Variants in GALNT8 observed in about 807,000 individuals in gnomAD.
GALNT8 encodes probable polypeptide N-acetylgalactosaminyltransferase 8.
In GALNT8, 66 loss-of-function variants were observed where a neutral mutation model predicts 62.7. That is an observed-to-expected ratio of 1.05 (90% CI 0.86 to 1.29). GALNT8 has a LOEUF of 1.29. GALNT8 is among the 50% of genes most tolerant of loss of function. The probability of loss-of-function intolerance (pLI) is 0.00; values close to 1 mark genes in which losing one functional copy is unlikely to be tolerated. For synonymous variants in GALNT8, 288 were observed against 294.3 expected (o/e 0.98, Z 0.22); for missense variants, 771 against 791.8 (o/e 0.97, Z 0.32).
intron 10 of GALNT8, among the ~76,000 whole-genome samples, chr12:4,766,770 G>A (rs760324646): frequency 6.6e-6 from 1 of 151,996 alleles, no homozygotes; most frequent in Admixed American, 6.6e-5. Flanking sequence ...GCGGTACTAT[G>A]CTTGGTTCAG....
chr12:4,755,995 A>G (rs1282841758), intron 6 of GALNT8, among the ~76,000 whole-genome samples: 6 of 152,168 alleles, frequency 3.9e-5, no homozygotes, highest in Non-Finnish European at 1.5e-5. Context: ...GGCAAATGGG[A>G]CCATGTGAAG....
chr12:4,727,607 G>A (rs1946202264), intron 2 of GALNT8, among the ~76,000 whole-genome samples: 2 of 152,122 alleles, frequency 1.3e-5, no homozygotes, highest in South Asian at 4.1e-4. Flanking sequence ...ATTGAATCAG[G>A]TAATATGGGG....
rs1457143596 is a variant in GALNT8, at chr12:4,744,520, A to G, written c.680A>G (p.Glu227Gly). 2 of 1,603,272 alleles carry G rather than the reference A, an allele frequency of 1.2e-6. No homozygotes were observed. The highest frequency in any genetic ancestry group is 8.5e-7 in the Non-Finnish European group (1 of 1,174,018). Residue 227 changes from glutamate (E) to glycine (G), a missense_variant, in exon 4 of 11, where the codon GAA (glutamate) becomes GGA (glycine). Physicochemically the swap from Glu to Gly is moderately conservative, Grantham distance 98. Transcript: ENST00000252318. ...TAGGTGTGCACTTGATTGACAGGAG[A>G]ACTAAAGGTACACTTGGATGAGAAG... is the stretch of plus-strand genomic sequence containing the variant. The part of the protein sequence containing the change: ...ILVDDFSSNG[E>G]LKVHLDEKIK...
intron 6 of GALNT8, among the ~76,000 whole-genome samples, chr12:4,747,641 A>G (rs1291417905): frequency 6.6e-6 from 1 of 152,124 alleles, no homozygotes; most frequent in Non-Finnish European, 1.5e-5. Flanking sequence ...GATTGCTTCC[A>G]TATCTTGACT....
chr12:4,758,636 G>GAGAGAGA (rs1280590680), intron 6 of GALNT8, among the ~76,000 whole-genome samples: 2 of 32,266 alleles, frequency 6.2e-5, no homozygotes, highest in African/African-American at 1.4e-4. Flanking sequence ...GTGTGTGTGT[G>GAGAGAGA]TGAGAGAGAG....
intron 5 of GALNT8, 30 bp from the exon 6 acceptor site, chr12:4,746,114 G>C (rs376836786): frequency 4.7e-6 from 6 of 1,285,630 alleles, no homozygotes; most frequent in Non-Finnish European, 5.7e-6. Flanking sequence ...CTTATGGAGA[G>C]ATTAGTGACT....
At chr12:4,761,527 T>C (rs1479801105) in intron 7 of GALNT8, among the ~76,000 whole-genome samples, 2 of 152,186 alleles carry the variant, frequency 1.3e-5, no homozygotes, top group Non-Finnish European at 2.9e-5. Flanking sequence ...TAATGAGAGA[T>C]ATAAACATAG....
At chr12:4,748,136 G>A (rs1357857285) in intron 6 of GALNT8, among the ~76,000 whole-genome samples, 1 of 152,102 alleles carries the variant, frequency 6.6e-6, no homozygotes, top group African/African-American at 2.4e-5. Flanking sequence ...AGTCAGATGG[G>A]TAGTTTGCAA....
At chr12:4,752,808 C>A (rs1384230089) in intron 6 of GALNT8, among the ~76,000 whole-genome samples, 1 of 152,142 alleles carries the variant, frequency 6.6e-6, no homozygotes, top group Non-Finnish European at 1.5e-5. Flanking sequence ...CATTAACATC[C>A]TTTTCTTTCT....
chr12:4,753,811 G>T (rs543483929), intron 6 of GALNT8, among the ~76,000 whole-genome samples: 25 of 152,248 alleles, frequency 1.6e-4, no homozygotes, highest in African/African-American at 5.8e-4. Context: ...GTCTAGGCTT[G>T]TTTGTACCCA....
At chr12:4,759,251 T>C (rs1946360963) in intron 6 of GALNT8, among the ~76,000 whole-genome samples, 1 of 152,078 alleles carries the variant, frequency 6.6e-6, no homozygotes, top group Non-Finnish European at 1.5e-5. Context: ...GCAAGCTGGA[T>C]GTAACCTCCA....
intron 2 of GALNT8, among the ~76,000 whole-genome samples, chr12:4,732,996 T>C (rs908654681): frequency 1.2e-4 from 18 of 144,324 alleles, no homozygotes; most frequent in Middle Eastern, 3.5e-3. Flanking sequence ...TTGCTTGAGG[T>C]GGTACACTGT....
intron 10 of GALNT8, among the ~76,000 whole-genome samples, chr12:4,767,024 A>G (rs923297224): frequency 4.0e-5 from 6 of 151,656 alleles, no homozygotes; most frequent in Admixed American, 6.6e-5. Flanking sequence ...TTAAGCTCCA[A>G]TTCTATGGAA....
At chr12:4,754,099 C>T (rs1024451449) in intron 6 of GALNT8, among the ~76,000 whole-genome samples, 1 of 152,156 alleles carries the variant, frequency 6.6e-6, no homozygotes, top group Non-Finnish European at 1.5e-5. Context: ...ACAAGCAACC[C>T]CGTGACCACC....
At chr12:4,720,916 T>C (rs754942745) in intron 1 of GALNT8, 28 bp downstream of exon 1, 44 of 1,350,958 alleles carry the variant, frequency 3.3e-5, no homozygotes, top group Middle Eastern at 2.2e-4. Flanking sequence ...ACCTGGAAGG[T>C]GTGTGTGTGG....
chr12:4,767,881 G>A (rs1248869324), intron 10 of GALNT8, among the ~76,000 whole-genome samples: 1 of 152,122 alleles, frequency 6.6e-6, no homozygotes, highest in Non-Finnish European at 1.5e-5. Flanking sequence ...CGGTGCAAAG[G>A]AGTGTTCAAA....
In GALNT8 at chr12:4,744,378, A is replaced by G. The variant is rs1310564823; in HGVS notation, c.677-139A>G. 3 of 602,858 alleles carry G rather than the reference A, an allele frequency of 5.0e-6. No individual in the cohort carries two copies. In the Admixed American group the frequency reaches 9.3e-5, roughly 19 times the overall value. 37.3% of individuals were successfully genotyped at this position (602,858 alleles called of 1,614,324 possible). On this transcript the variant is annotated intron_variant, in intron 3 of 10. Coordinates refer to ENST00000252318, the MANE Select transcript of GALNT8 (RefSeq NM_017417.2). ...GAGAGGCAGGTGCAGGGGAAATACT[A>G]CTTATTTTCTAGTTGACTCTTAGAA...
In GALNT8 at chr12:4,726,747, C is replaced by G. The variant is rs747873403; in HGVS notation, c.427C>G (p.Leu143Val). ...GGCCCAGCAGAAGGCGGCCCAGGAC[C>G]TCTTCCGGAAGTTTGGTTACAACGC... ...SEAQQKAAQDLFRKFGYNAYL... is the reference protein window; with the variant it reads ...SEAQQKAAQDVFRKFGYNAYL... The change falls in exon 2 of 11, where the codon CTC becomes GTC. Residue 143 changes from leucine to valine, a missense_variant. Transcript: ENST00000252318. This position sits in a 1 kb window ranked among gnomAD's most constrained non-coding sequence, Gnocchi z 4.1. 1.2e-5 allele frequency: 19 copies of G among 1,613,934 alleles called. No individual in the cohort carries two copies. The Admixed American group carries it at 2.7e-4, about 23-fold the overall frequency.
intron 6 of GALNT8, among the ~76,000 whole-genome samples, chr12:4,758,643 A>T (rs960374500): frequency 1.5e-5 from 1 of 68,162 alleles, no homozygotes; most frequent in African/African-American, 4.5e-5. Context: ...TGTGTGAGAG[A>T]GAGAGAGAGA....
Sources: allele counts gnomAD v4.1 joint callset (sites outside exome capture counted in the v4.1 genomes callset), GRCh38; gene constraint gnomAD v4.1.1; non-coding constraint Gnocchi (gnomAD v3.1); transcripts MANE v1.5; gene names NCBI Gene and HGNC (gene_info 2026-07-23, HGNC 2026-07-21).